Variants in CCDC63 observed in about 807,000 individuals in gnomAD.
CCDC63 encodes the protein coiled-coil domain containing 63.
In CCDC63, 54 loss-of-function variants were observed where a neutral mutation model predicts 63.6. The observed-to-expected ratio is 0.85, with a 90% confidence interval of 0.68 to 1.07. CCDC63 has a LOEUF of 1.07. Among genes scored for constraint, CCDC63 ranks in the 50% least tolerant of loss-of-function variants. The probability of loss-of-function intolerance (pLI) is 0.00; values close to 1 mark genes in which losing one functional copy is unlikely to be tolerated. For synonymous variants in CCDC63, 253 were observed against 266.1 expected (o/e 0.95, Z 0.48); for missense variants, 637 against 689.6 (o/e 0.92, Z 0.86).
intron 8 of CCDC63, among the ~76,000 whole-genome samples, chr12:110,888,190 T>C (rs774588904): frequency 6.6e-6 from 1 of 151,998 alleles, no homozygotes; most frequent in Non-Finnish European, 1.5e-5. Flanking sequence ...GTCACCACTG[T>C]CCTCTGGCGT....
intron 8 of CCDC63, among the ~76,000 whole-genome samples, chr12:110,892,204 A>G (rs1327587581): frequency 9.2e-5 from 14 of 152,200 alleles, no homozygotes; most frequent in Non-Finnish European, 1.5e-4. Context: ...ACTCTTCAAT[A>G]CCATAGCCAC....
intron 11 of CCDC63, among the ~76,000 whole-genome samples, chr12:110,906,068 A>G (rs2071575680): frequency 1.0e-5 from 1 of 97,020 alleles, no homozygotes; most frequent in East Asian, 3.0e-4. Flanking sequence ...TAATATATAT[A>G]CTTTTTTTTT....
intron 4 of CCDC63, among the ~76,000 whole-genome samples, chr12:110,871,505 T>TCC (rs2071066578): frequency 7.5e-6 from 1 of 134,092 alleles, no homozygotes; most frequent in Non-Finnish European, 1.8e-5. Flanking sequence ...CTTCCTTCCT[T>TCC]TCTTTCTTTC....
In CCDC63 at chr12:110,881,143, A is replaced by G. The variant is rs772564025; in HGVS notation, c.700A>G (p.Met234Val). ...RVEAMARMAA[M>V]KDRQKKDTSQ... ...GGAGGCCATGGCTCGAATGGCTGCCATGAAAGACCGCCAGAAGAAGGACAC... is the reference window on the plus strand; with the variant it reads ...GGAGGCCATGGCTCGAATGGCTGCCGTGAAAGACCGCCAGAAGAAGGACAC... Residue 234 changes from methionine (M) to valine (V), a missense_variant, in exon 7 of 12, where the codon ATG (methionine) becomes GTG (valine). Physicochemically the swap from Met to Val is conservative, Grantham distance 21. Transcript: ENST00000308208. The G allele has an allele frequency of 3.1e-6, 5 of 1,611,898 alleles. No individual in the cohort carries two copies. Among genetic ancestry groups the G allele is most frequent in the South Asian group, 2.2e-5 (2 of 90,874 alleles).
Position 110,879,914 on chromosome 12 carries a change from T to A in CCDC63, c.498T>A (p.Val166=). ...ILETRLNLVT[V]HFDKMLTTNA... ...CATGGCCCTTTCAACAGGTCACTGT[T>A]CACTTTGACAAGATGCTGACCACTA... The change falls in exon 6 of 12, where the codon GTT becomes GTA. Residue 166 remains valine (V), a synonymous_variant. Coordinates refer to ENST00000308208, the MANE Select transcript of CCDC63 (RefSeq NM_152591.3). 4 of 1,614,134 alleles carry A rather than the reference T, an allele frequency of 2.5e-6. No individual in the cohort carries two copies. Among genetic ancestry groups the A allele is most frequent in the Non-Finnish European group, 2.5e-6 (3 of 1,179,994 alleles).
intron 4 of CCDC63, among the ~76,000 whole-genome samples, chr12:110,872,427 G>C (rs2071079326): frequency 6.6e-6 from 1 of 152,206 alleles, no homozygotes; most frequent in Non-Finnish European, 1.5e-5. Context: ...CAGGCTGACT[G>C]TATCCACAAC....
intron 8 of CCDC63, among the ~76,000 whole-genome samples, chr12:110,892,508 T>G (rs1161706734): frequency 6.6e-6 from 1 of 152,138 alleles, no homozygotes; most frequent in African/African-American, 2.4e-5. Context: ...ACTACAGTAT[T>G]AGGGTGGATA....
intron 9 of CCDC63, among the ~76,000 whole-genome samples, chr12:110,896,175 C>G (rs2071413147): frequency 6.6e-6 from 1 of 152,174 alleles, no homozygotes; most frequent in Admixed American, 6.5e-5. Context: ...GAGTCTTGCT[C>G]TGTCGCCCAG....
Position 110,873,846 on chromosome 12 carries a change from T to G in CCDC63, c.374T>G (p.Leu125Arg), listed in dbSNP as rs752904904. Residue 125 changes from leucine (L) to arginine (R), a missense_variant, in exon 5 of 12, where the codon CTT becomes CGT. Transcript: ENST00000308208. The part of the protein sequence containing the change: ...VLLAELDEKI[L>R]QMEKKIANQK... Reference sequence around the variant, plus strand: ...CTCTCTCTCTCTCTTTTTCAGATTCTTCAGATGGAAAAAAAAATCGCAAAC... The same window carrying G: ...CTCTCTCTCTCTCTTTTTCAGATTCGTCAGATGGAAAAAAAAATCGCAAAC... The G allele has an allele frequency of 6.2e-7, 1 of 1,613,070 alleles. No individual in the cohort carries two copies. The highest frequency in any genetic ancestry group is 8.5e-7 in the Non-Finnish European group (1 of 1,179,812).
At chr12:110,899,156 A>G (rs1241956911) in intron 10 of CCDC63, 31 bp downstream of exon 10, 2 of 1,580,582 alleles carry the variant, frequency 1.3e-6, no homozygotes, top group Non-Finnish European at 1.7e-6. Flanking sequence ...TTGGAGTCTT[A>G]GGAAACATTT....
chr12:110,850,342 C>T (rs548517282), intron 1 of CCDC63, among the ~76,000 whole-genome samples: 9 of 152,346 alleles, frequency 5.9e-5, no homozygotes, highest in African/African-American at 2.2e-4. Context: ...AGGCGAAGCC[C>T]TGGTTGGGCA....
intron 2 of CCDC63, 44 bp from the exon 3 acceptor site, chr12:110,853,361 C>T (rs1171999170): frequency 7.6e-6 from 12 of 1,576,804 alleles, no homozygotes; most frequent in South Asian, 3.5e-5. Context: ...CTTCTCTAGC[C>T]ACCTGGCCCA....
intron 9 of CCDC63, among the ~76,000 whole-genome samples, chr12:110,898,004 G>A (rs1434321133): frequency 4.6e-5 from 7 of 152,138 alleles, no homozygotes; most frequent in African/African-American, 1.4e-4. Flanking sequence ...TGAACTGGCT[G>A]AGCGAGGTGG....
intron 4 of CCDC63, among the ~76,000 whole-genome samples, chr12:110,864,423 TAAA>T (rs35404744): frequency 4.0e-5 from 5 of 124,576 alleles, no homozygotes; most frequent in Non-Finnish European, 6.9e-5. Flanking sequence ...GACCCTGTCT[TAAA>T]AAAAAAAAAA....
At chr12:110,845,008 C>T (rs546736386), upstream of CCDC63, among the ~76,000 whole-genome samples, 4 of 152,290 alleles carry the variant, frequency 2.6e-5, no homozygotes, top group South Asian at 8.3e-4. Flanking sequence ...CCACCGCTGG[C>T]TCATCGCTTT....
At chr12:110,887,224 T>TG (rs886617565) in intron 8 of CCDC63, among the ~76,000 whole-genome samples, 1 of 151,552 alleles carries the variant, frequency 6.6e-6, no homozygotes, top group African/African-American at 2.4e-5. Context: ...ACCTCCCGGG[T>TG]TCAAGCGATT....
intron 4 of CCDC63, among the ~76,000 whole-genome samples, chr12:110,862,761 T>C (rs918417327): frequency 3.3e-5 from 5 of 151,664 alleles, no homozygotes; most frequent in Admixed American, 6.6e-5. Flanking sequence ...CTTTTCTTTT[T>C]TTTTTTCTTT....
intron 8 of CCDC63, among the ~76,000 whole-genome samples, chr12:110,888,367 T>C (rs143423179): frequency 2.0e-5 from 3 of 152,286 alleles, no homozygotes; most frequent in East Asian, 1.9e-4. Flanking sequence ...CTGAGCTGAA[T>C]TGGCCTTGAT....
intron 4 of CCDC63, among the ~76,000 whole-genome samples, chr12:110,867,177 G>A (rs1453593522): frequency 8.8e-5 from 11 of 125,496 alleles, no homozygotes; most frequent in East Asian, 5.2e-4. Flanking sequence ...GCGGGGGGCT[G>A]ACACCCCCAC....
Sources: allele counts gnomAD v4.1 joint callset (sites outside exome capture counted in the v4.1 genomes callset), GRCh38; gene constraint gnomAD v4.1.1; transcripts MANE v1.5; gene names NCBI Gene and HGNC (gene_info 2026-07-23, HGNC 2026-07-21).